Variants in NFIB observed in about 807,000 individuals in gnomAD.
The protein encoded by NFIB is nuclear factor 1 B-type.
A neutral mutation model predicts 61.5 loss-of-function variants in NFIB; 11 were observed. The ratio of observed to expected loss-of-function variants is 0.18; its 90% CI spans 0.11 to 0.30. The LOEUF (loss-of-function observed/expected upper bound fraction) is 0.30, where lower values mean the gene tolerates loss of function less well. Ranked by LOEUF, NFIB falls within the 10% of genes least tolerant of loss-of-function variation. NFIB has a pLI of 1.00. For missense variants in NFIB, 471 were observed against 608.9 expected (o/e 0.77, Z 2.38); for synonymous variants, 260 against 216.5 (o/e 1.20, Z -1.76).
chr9:14,507,080 T>C, the NFIB span, among the ~76,000 whole-genome samples: 1 of 152,198 alleles, frequency 6.6e-6, no homozygotes, highest in Non-Finnish European at 1.5e-5. Flanking sequence ...TTAAAAAAGT[T>C]TTTAGAGCAA....
intron 2 of NFIB, among the ~76,000 whole-genome samples, chr9:14,189,793 T>C (rs1047541967): frequency 6.7e-6 from 1 of 150,360 alleles, no homozygotes; most frequent in Non-Finnish European, 1.5e-5. Context: ...CAGTATGTGT[T>C]GAATGACTAA....
intron 1 of NFIB, chr9:14,322,182 G>A (rs547807538): frequency 8.7e-7 from 1 of 1,143,136 alleles, no homozygotes; most frequent in African/African-American, 1.6e-5. Context: ...AGAAAAGGCG[G>A]TCAAAGTCAA....
chr9:14,220,969 G>C (rs986859177), intron 2 of NFIB, among the ~76,000 whole-genome samples: 9 of 150,640 alleles, frequency 6.0e-5, no homozygotes, highest in Non-Finnish European at 1.2e-4. Flanking sequence ...CTACCTACTA[G>C]CCCATCTACT....
At chr9:14,228,715 G>A (rs946736625) in intron 2 of NFIB, among the ~76,000 whole-genome samples, 1 of 152,102 alleles carries the variant, frequency 6.6e-6, no homozygotes, top group African/African-American at 2.4e-5. Context: ...TTACCACTAC[G>A]TAAGAAAGGA....
At chr9:14,226,868 G>T (rs1378048611) in intron 2 of NFIB, among the ~76,000 whole-genome samples, 1 of 152,060 alleles carries the variant, frequency 6.6e-6, no homozygotes, top group Non-Finnish European at 1.5e-5. Flanking sequence ...GGCCAGGCAC[G>T]GTGGTGCACA....
intron 2 of NFIB, among the ~76,000 whole-genome samples, chr9:14,226,202 T>C (rs562895333): frequency 6.6e-6 from 1 of 151,968 alleles, no homozygotes. Flanking sequence ...TAATAAACAA[T>C]ATTTGGATAA....
the NFIB span, among the ~76,000 whole-genome samples, chr9:14,501,429 A>G: frequency 2.6e-5 from 4 of 152,194 alleles, no homozygotes; most frequent in African/African-American, 7.2e-5. Context: ...TCTTAAAAAA[A>G]TGTAATTTCC....
intron 2 of NFIB, among the ~76,000 whole-genome samples, chr9:14,231,135 A>AATATATATATATATATATATAT: frequency 2.8e-5 from 1 of 35,350 alleles, no homozygotes; most frequent in South Asian, 1.8e-3. Context: ...AAAAAAAAAA[A>AATATATATATATATATATATAT]ATATATATAT....
chr9:14,461,662 T>C, the NFIB span, among the ~76,000 whole-genome samples: 1 of 152,200 alleles, frequency 6.6e-6, no homozygotes, highest in Admixed American at 6.5e-5. Context: ...TCATCTCTTT[T>C]ATGTATGGTA....
In NFIB at chr9:14,307,938, G is replaced by T; in HGVS notation, c.31-418C>A. 6.4e-6 allele frequency: 1 copy of T among 156,192 alleles called. No homozygotes were observed. Among genetic ancestry groups the T allele is most frequent in the South Asian group, 1.9e-4 (1 of 5,330 alleles). 9.7% of individuals were successfully genotyped at this position (156,192 alleles called of 1,614,324 possible). ...GCAGTACCATTTTACAAAGAACACA[G>T]TGAGATTTTTTTTTTTTAATCGGAG... On this transcript the variant is annotated intron_variant, in intron 1 of 10. Transcript: ENST00000380953. The surrounding 1 kb of genome is among the most constrained non-coding windows in gnomAD (Gnocchi z 5.3).
the NFIB span, among the ~76,000 whole-genome samples, chr9:14,468,562 T>C: frequency 0.015 from 2,244 of 152,306 alleles, 54 homozygotes; most frequent in African/African-American, 0.051. Context: ...TGTGTAAAAA[T>C]TGCTGCCCAA....
At chr9:14,164,944 T>C (rs2044615381) in intron 3 of NFIB, among the ~76,000 whole-genome samples, 1 of 152,120 alleles carries the variant, frequency 6.6e-6, no homozygotes, top group East Asian at 1.9e-4. Context: ...GACACCACAT[T>C]CAGAATGTGG....
At chr9:14,123,463 T>G (rs1159932569) in intron 7 of NFIB, among the ~76,000 whole-genome samples, 1 of 152,164 alleles carries the variant, frequency 6.6e-6, no homozygotes, top group African/African-American at 2.4e-5. Flanking sequence ...ACCATTATAA[T>G]CATGTAACTT....
At chr9:14,398,921 A>G (rs570524325) in exon 1 of NFIB, 3 of 321,330 alleles carry the variant, frequency 9.3e-6, no homozygotes, top group Non-Finnish European at 1.7e-5. Context: ...TCAGCTCAAC[A>G]GTGATATTCT....
intron 2 of NFIB, among the ~76,000 whole-genome samples, chr9:14,184,707 T>A (rs1434976586): frequency 6.6e-6 from 1 of 152,148 alleles, no homozygotes; most frequent in Non-Finnish European, 1.5e-5. Flanking sequence ...TTTTTGTAGG[T>A]CATTAATGTA....
chr9:14,526,145 T>C, the NFIB span, among the ~76,000 whole-genome samples: 1 of 152,032 alleles, frequency 6.6e-6, no homozygotes, highest in Admixed American at 6.6e-5. Flanking sequence ...CTCATAAACA[T>C]ATCCATTATG....
intron 4 of NFIB, among the ~76,000 whole-genome samples, chr9:14,155,331 A>G (rs1291432708): frequency 6.6e-6 from 1 of 152,170 alleles, no homozygotes; most frequent in Non-Finnish European, 1.5e-5. Context: ...GTTTTGGATA[A>G]CAATGCTTTC....
At chr9:14,333,865 T>C (rs1354008106) in intron 1 of NFIB, among the ~76,000 whole-genome samples, 1 of 152,182 alleles carries the variant, frequency 6.6e-6, no homozygotes, top group African/African-American at 2.4e-5. Context: ...TCTCAGCAAA[T>C]TACTAGCCCT....
chr9:14,421,258 C>A, the NFIB span, among the ~76,000 whole-genome samples: 1 of 152,036 alleles, frequency 6.6e-6, no homozygotes, highest in Non-Finnish European at 1.5e-5. Flanking sequence ...TTGAAATGAA[C>A]ATCTATTTTA....
Sources: gnomAD v4.1 joint callset for allele counts (sites outside exome capture counted in the v4.1 genomes callset) on GRCh38, gnomAD v4.1.1 for gene constraint, Gnocchi (gnomAD v3.1) non-coding constraint, MANE v1.5 for transcripts, NCBI Gene and HGNC (gene_info 2026-07-23, HGNC 2026-07-21) for gene names.